The following SEZ6L variants were observed in gnomAD, a reference collection of about 807,000 sequenced individuals.
SEZ6L encodes the protein seizure related 6 homolog like, also known as seizure 6-like protein.
Under a neutral mutation model 106.2 loss-of-function variants are expected in SEZ6L, and 37 were observed. The observed-to-expected ratio is 0.35, with a 90% CI of 0.27 to 0.46. The LOEUF (loss-of-function observed/expected upper bound fraction) is 0.46. SEZ6L is among the 20% of genes least tolerant of loss of function. The pLI, the probability that SEZ6L is intolerant of heterozygous loss-of-function variation, is 1.00. For synonymous variants in SEZ6L, 541 were observed against 570.4 expected (o/e 0.95, Z 0.73); for missense variants, 1,172 against 1,332.8 (o/e 0.88, Z 1.88).
intron 1 of SEZ6L, among the ~76,000 whole-genome samples, chr22:26,257,786 G>A (rs1302181214): frequency 6.6e-6 from 1 of 152,144 alleles, no homozygotes; most frequent in Non-Finnish European, 1.5e-5. Context: ...CGATCTGGAG[G>A]GAGTTGCTGG....
intron 1 of SEZ6L, among the ~76,000 whole-genome samples, chr22:26,202,074 C>T (rs372563384): frequency 4.6e-5 from 7 of 152,092 alleles, no homozygotes; most frequent in Middle Eastern, 3.4e-3. Context: ...CCATCACGCC[C>T]GGCTAATTTT....
At chr22:26,200,552 G>A (rs907494465) in intron 1 of SEZ6L, among the ~76,000 whole-genome samples, 1 of 152,180 alleles carries the variant, frequency 6.6e-6, no homozygotes, top group Non-Finnish European at 1.5e-5. Flanking sequence ...AGCTACTGGA[G>A]TCCCTATGTG....
At chr22:26,220,892 A>ATGG (rs2078445879) in intron 1 of SEZ6L, among the ~76,000 whole-genome samples, 14 of 149,248 alleles carry the variant, frequency 9.4e-5, no homozygotes, top group Non-Finnish European at 1.3e-4. Context: ...ATACTGTATG[A>ATGG]ATGGATGGAT....
chr22:26,337,641 C>T (rs1372137079), intron 9 of SEZ6L, among the ~76,000 whole-genome samples: 1 of 152,150 alleles, frequency 6.6e-6, no homozygotes, highest in Non-Finnish European at 1.5e-5. Context: ...GAACAAGTGG[C>T]AACTCCAGAA....
intron 1 of SEZ6L, among the ~76,000 whole-genome samples, chr22:26,271,026 G>A (rs904699379): frequency 6.6e-6 from 1 of 152,176 alleles, no homozygotes; most frequent in Non-Finnish European, 1.5e-5. Flanking sequence ...GTGGCCAGTC[G>A]ACCCTCAGAA....
At chr22:26,310,197 A>C (rs770837803) in intron 6 of SEZ6L, among the ~76,000 whole-genome samples, 29 of 152,234 alleles carry the variant, frequency 1.9e-4, no homozygotes, top group Non-Finnish European at 3.7e-4. Flanking sequence ...ATTGTACAGA[A>C]GAGGAAACAG....
chr22:26,262,249 T>TATCTATCTATC (rs2080036765), intron 1 of SEZ6L, among the ~76,000 whole-genome samples: 1 of 123,002 alleles, frequency 8.1e-6, no homozygotes, highest in Non-Finnish European at 1.9e-5. Context: ...ATATTTTATC[T>TATCTATCTATC]ATCTATCTAT....
chr22:26,377,200 C>A (rs1284584475), intron 15 of SEZ6L, among the ~76,000 whole-genome samples: 2 of 152,056 alleles, frequency 1.3e-5, no homozygotes, highest in Non-Finnish European at 2.9e-5. Context: ...CACTTGAGCC[C>A]AGGAGGCAGA....
In SEZ6L at chr22:26,310,843, G is replaced by T. The variant is rs2081802299; in HGVS notation, c.1681+7G>T. ...TTCAACATCCGATTTGAAGGTGAGG[G>T]TCCCTGGGAGCTTCCCTTTCTCTTG... On this transcript the variant is annotated splice_region_variant and intron_variant, in intron 7 of 16. Coordinates refer to ENST00000248933, the MANE Select transcript of SEZ6L (RefSeq NM_021115.5). 2.5e-6 allele frequency: 4 copies of T among 1,613,064 alleles called. No individual in the cohort carries two copies. The highest frequency in any genetic ancestry group is 3.4e-6 in the Non-Finnish European group (4 of 1,179,598).
At chr22:26,328,927 GT>G (rs1437231921) in intron 9 of SEZ6L, among the ~76,000 whole-genome samples, 2 of 152,128 alleles carry the variant, frequency 1.3e-5, no homozygotes, top group Non-Finnish European at 2.9e-5. Flanking sequence ...GGGAATGGGA[GT>G]TTTAAGTGAC....
At chr22:26,245,335 A>C (rs898843899) in intron 1 of SEZ6L, among the ~76,000 whole-genome samples, 2 of 152,210 alleles carry the variant, frequency 1.3e-5, no homozygotes, top group African/African-American at 4.8e-5. Flanking sequence ...GTAAAATTGA[A>C]CAAGAGAGAC....
chr22:26,211,804 T>TAA (rs56124325), intron 1 of SEZ6L, among the ~76,000 whole-genome samples: 12,220 of 47,764 alleles, frequency 0.26, 1,890 homozygotes, highest in Non-Finnish European at 0.3. Flanking sequence ...ACCTCGTCTC[T>TAA]AAAAAAAAAA....
intron 1 of SEZ6L, among the ~76,000 whole-genome samples, chr22:26,222,043 G>C (rs889938528): frequency 6.6e-6 from 1 of 152,172 alleles, no homozygotes; most frequent in Non-Finnish European, 1.5e-5. Context: ...CAGTTTCCCA[G>C]AACATGGGCC....
chr22:26,272,353 T>C (rs755999898), intron 1 of SEZ6L, among the ~76,000 whole-genome samples: 2 of 152,220 alleles, frequency 1.3e-5, no homozygotes, highest in Non-Finnish European at 2.9e-5. Flanking sequence ...CTTAGGACCA[T>C]GTGACTCTAA....
chr22:26,261,946 G>C (rs932130182), intron 1 of SEZ6L, among the ~76,000 whole-genome samples: 2 of 152,118 alleles, frequency 1.3e-5, no homozygotes, highest in African/African-American at 4.8e-5. Flanking sequence ...TTTCAGCTGA[G>C]TGATCATCCA....
chr22:26,352,911 T>C (rs2083326092), intron 12 of SEZ6L, among the ~76,000 whole-genome samples: 2 of 152,180 alleles, frequency 1.3e-5, no homozygotes, highest in Non-Finnish European at 2.9e-5. Flanking sequence ...AAATTCAGCT[T>C]CCCCAGCCCA....
rs79392905 is a variant in SEZ6L, at chr22:26,380,895, C to T, written c.*600C>T. Reference sequence around the variant, plus strand: ...AGCAAAGGTGTTATATAAACATTGTCTTTTACCACTCTGGCCTCGCTGGAC... The same window carrying T: ...AGCAAAGGTGTTATATAAACATTGTTTTTTACCACTCTGGCCTCGCTGGAC... On this transcript the variant is annotated 3_prime_UTR_variant, in exon 17 of 17. Transcript: ENST00000248933. 6.6e-6 allele frequency: 1 copy of T among 152,120 alleles called. No individual in the cohort carries two copies. The highest frequency in any genetic ancestry group is 6.6e-5 in the Admixed American group (1 of 15,266). The allele number at this position is 152,120 out of a possible 1,614,324, so 9.4% of individuals were successfully genotyped here.
At chr22:26,192,555 A>G (rs1319432252) in intron 1 of SEZ6L, among the ~76,000 whole-genome samples, 1 of 152,236 alleles carries the variant, frequency 6.6e-6, no homozygotes, top group Non-Finnish European at 1.5e-5. Flanking sequence ...CACTAAATTT[A>G]AAAAACACTG....
At chr22:26,297,466 G>T (rs2081333774) in intron 4 of SEZ6L, among the ~76,000 whole-genome samples, 1 of 152,238 alleles carries the variant, frequency 6.6e-6, no homozygotes, top group South Asian at 2.1e-4. Flanking sequence ...CAAAGTCACA[G>T]GTTCTACTAC....
Sources: allele counts gnomAD v4.1 joint callset (sites outside exome capture counted in the v4.1 genomes callset), GRCh38; gene constraint gnomAD v4.1.1; transcripts MANE v1.5; gene names NCBI Gene and HGNC (gene_info 2026-07-23, HGNC 2026-07-21).